MYRIP: variants seen among roughly 807,000 people sequenced by gnomAD.
MYRIP encodes the protein myosin VIIA and Rab interacting protein, also known as rab effector MyRIP.
Under a neutral mutation model 98.0 loss-of-function variants are expected in MYRIP, and 49 were observed. That is an observed-to-expected ratio of 0.50 (90% CI 0.40 to 0.63). MYRIP has a LOEUF of 0.63. Among genes scored for constraint, MYRIP ranks in the 30% least tolerant of loss-of-function variants. The pLI, the probability that MYRIP is intolerant of heterozygous loss-of-function variation, is 0.00. For missense variants in MYRIP, 1,004 were observed against 1,058.2 expected, an observed-to-expected ratio of 0.95 and a Z score of 0.71; for synonymous variants, 404 against 409.5, an observed-to-expected ratio of 0.99 and a Z score of 0.16.
At chr3:40,015,363 C>T (rs1284509739) in intron 2 of MYRIP, among the ~76,000 whole-genome samples, 1 of 152,174 alleles carries the variant, frequency 6.6e-6, no homozygotes, top group Non-Finnish European at 1.5e-5. Context: ...AAGTGGAGAG[C>T]CAGTCAGAGT....
chr3:40,231,443 G>T (rs1049809655), intron 11 of MYRIP, among the ~76,000 whole-genome samples: 14 of 152,180 alleles, frequency 9.2e-5, no homozygotes, highest in Admixed American at 7.9e-4. Flanking sequence ...TGAACCGTGG[G>T]GAATGTAGAG....
chr3:39,958,914 A>G (rs1945246431), intron 2 of MYRIP, among the ~76,000 whole-genome samples: 3 of 152,216 alleles, frequency 2.0e-5, no homozygotes, highest in Admixed American at 2.0e-4. Context: ...CAGCCAACAG[A>G]CACATGAAAA....
intron 2 of MYRIP, among the ~76,000 whole-genome samples, chr3:40,000,996 A>T (rs1019719170): frequency 6.6e-6 from 1 of 152,266 alleles, no homozygotes; most frequent in South Asian, 2.1e-4. Context: ...GTGTTTCCCA[A>T]AGTGTGACAG....
intron 3 of MYRIP, among the ~76,000 whole-genome samples, chr3:40,062,244 CT>C (rs1948034054): frequency 6.6e-6 from 1 of 152,130 alleles, no homozygotes; most frequent in East Asian, 1.9e-4. Flanking sequence ...ACATTTAACT[CT>C]TTAATCTATC....
chr3:40,229,538 C>T (rs551903002), intron 11 of MYRIP, among the ~76,000 whole-genome samples: 9 of 152,206 alleles, frequency 5.9e-5, no homozygotes, highest in Admixed American at 2.0e-4. Context: ...CCTGTCTTCA[C>T]GGAGGTTGAC....
At chr3:40,168,062 C>G (rs777498383) in intron 7 of MYRIP, among the ~76,000 whole-genome samples, 14 of 152,226 alleles carry the variant, frequency 9.2e-5, no homozygotes, top group Non-Finnish European at 1.5e-4. Flanking sequence ...TCTAGTCTTT[C>G]TGCTCCCAGC....
At chr3:39,830,920 G>A (rs962620635) in intron 1 of MYRIP, among the ~76,000 whole-genome samples, 2 of 152,082 alleles carry the variant, frequency 1.3e-5, no homozygotes, top group Non-Finnish European at 1.5e-5. Context: ...CCTGCAGATT[G>A]CCAGCCCAGT....
At chr3:39,810,294 A>G (rs970046744) in intron 1 of MYRIP, among the ~76,000 whole-genome samples, 1 of 152,154 alleles carries the variant, frequency 6.6e-6, no homozygotes, top group Non-Finnish European at 1.5e-5. Flanking sequence ...GCCTCAAACC[A>G]TCCGTTAAGC....
chr3:40,122,821 C>T (rs1288554310), intron 3 of MYRIP, among the ~76,000 whole-genome samples: 6 of 151,876 alleles, frequency 4.0e-5, no homozygotes. Context: ...GCTTTGTACC[C>T]TAGATATATT....
rs559380685 is a variant in MYRIP at position 39,842,554 on chromosome 3, C to G, written c.-31+32638C>G. ...GCACAGAGCCTGTTCAAAGGGCTGC[C>G]CAACTTTGTGGTTGAAACCCAGGGC... On this transcript the variant is annotated intron_variant, in intron 1 of 16. Transcript: ENST00000302541. Among the ~76,000 whole-genome samples the G allele has an allele frequency of 3.3e-5, 5 of 152,268 alleles. No individual in the cohort carries two copies. The South Asian group carries it at 1.0e-3, about 32-fold the overall frequency.
rs1406099364 is a variant in MYRIP, at chr3:40,178,509, C to G, written c.874-3711C>G. Among the ~76,000 whole-genome samples, 3 of 152,182 alleles carry G rather than the reference C, an allele frequency of 2.0e-5. No individual in the cohort carries two copies. In the South Asian group the frequency reaches 6.2e-4, roughly 32 times the overall value. ...TGGAATCAGTCAGACCCGAGCTCAA[C>G]CCTTGCCTTACCCTTGGCCATCCAT... On this transcript the variant is annotated intron_variant, in intron 8 of 16. Coordinates refer to ENST00000302541, the MANE Select transcript of MYRIP (RefSeq NM_015460.4).
intron 1 of MYRIP, among the ~76,000 whole-genome samples, chr3:39,837,265 G>A (rs1941655514): frequency 6.6e-6 from 1 of 152,138 alleles, no homozygotes; most frequent in Non-Finnish European, 1.5e-5. Context: ...ATTACTTTTG[G>A]CGTTTTAGTC....
intron 3 of MYRIP, among the ~76,000 whole-genome samples, chr3:40,060,412 AT>A (rs958305499): frequency 1.0e-4 from 15 of 148,708 alleles, no homozygotes; most frequent in East Asian, 1.9e-4. Flanking sequence ...TTGAACTCAG[AT>A]TTTTTTTTTC....
chr3:40,114,472 A>C (rs1429384157), intron 3 of MYRIP, among the ~76,000 whole-genome samples: 1 of 152,250 alleles, frequency 6.6e-6, no homozygotes, highest in African/African-American at 2.4e-5. Context: ...TACCATAGCT[A>C]ACATCAAAAG....
chr3:39,900,887 G>A lies in MYRIP; in HGVS notation c.71G>A (p.Arg24Lys). The change falls in exon 2 of 17, where the codon AGA (arginine) becomes AAA (lysine). Residue 24 changes from arginine to lysine, a missense_variant. Arg to Lys is a conservative substitution (Grantham distance 26, BLOSUM62 2). This residue lies in a region of MYRIP where 880 missense variants were observed against 907.7 expected (regional missense o/e 0.97). Transcript: ENST00000302541. ...GAGCATGTTCTTCAGGTGGTTCAAA[G>A]AGACTTCAATCTTCGCAAAAAAGAA... ...ETEHVLQVVQ[R>K]DFNLRKKEEE... 5 of 1,613,782 alleles carry A rather than the reference G, an allele frequency of 3.1e-6. No homozygotes were observed. The highest frequency in any genetic ancestry group is 1.1e-5 in the South Asian group (1 of 91,078).
intron 16 of MYRIP, among the ~76,000 whole-genome samples, chr3:40,252,452 C>T (rs963826746): frequency 6.6e-6 from 1 of 152,102 alleles, no homozygotes; most frequent in African/African-American, 2.4e-5. Context: ...TATCTTAAAC[C>T]ATTTACCTTA....
intron 1 of MYRIP, among the ~76,000 whole-genome samples, chr3:39,888,356 G>C (rs1943372587): frequency 6.6e-6 from 1 of 151,664 alleles, no homozygotes; most frequent in Non-Finnish European, 1.5e-5. Flanking sequence ...ACAGAACAGA[G>C]CCCTCAGAAA....
intron 2 of MYRIP, among the ~76,000 whole-genome samples, chr3:39,928,022 G>A (rs958624087): frequency 6.6e-6 from 1 of 151,938 alleles, no homozygotes; most frequent in Admixed American, 6.6e-5. Flanking sequence ...AGGCATTGAA[G>A]ACACATACCT....
chr3:40,186,557 C>T (rs891662093), intron 9 of MYRIP, among the ~76,000 whole-genome samples: 4 of 152,144 alleles, frequency 2.6e-5, no homozygotes, highest in African/African-American at 9.7e-5. Context: ...TACTTAGCCA[C>T]CAGCTCCCCT....
Sources: gnomAD v4.1 joint callset for allele counts (sites outside exome capture counted in the v4.1 genomes callset) on GRCh38, gnomAD v4.1.1 for gene constraint, gnomAD v4.1.1 regional missense constraint, MANE v1.5 for transcripts, NCBI Gene and HGNC (gene_info 2026-07-23, HGNC 2026-07-21) for gene names.